The following DMXL2 variants were observed in gnomAD, a reference collection of about 807,000 sequenced individuals.
The protein encoded by DMXL2 is dmX-like protein 2.
Under a neutral mutation model 331.1 loss-of-function variants are expected in DMXL2, and 103 were observed. The observed-to-expected ratio is 0.31, with a 90% confidence interval of 0.27 to 0.37. The LOEUF is 0.37. Ranked by LOEUF, DMXL2 falls within the 10% of genes least tolerant of loss-of-function variation. The pLI, the probability that DMXL2 is intolerant of heterozygous loss-of-function variation, is 1.00. For missense variants in DMXL2, 3,171 were observed against 3,642.9 expected, an observed-to-expected ratio of 0.87 and a Z score of 3.33; for synonymous variants, 1,281 against 1,252.1, an observed-to-expected ratio of 1.02 and a Z score of -0.49.
rs1213932376 is a variant in DMXL2, at chr15:51,543,550, T to C, written c.931-1043A>G. Reference sequence around the variant, plus strand: ...AATTATTTTCACTGGATCTTTGACATTAACCATCATTTTAAATTAGACTGA... The same window carrying C: ...AATTATTTTCACTGGATCTTTGACACTAACCATCATTTTAAATTAGACTGA... On this transcript the variant is annotated intron_variant, in intron 8 of 43. Transcript: ENST00000560891. Among the ~76,000 whole-genome samples, 3 of 152,172 alleles carry C rather than the reference T, an allele frequency of 2.0e-5. No individual in the cohort carries two copies. The East Asian group carries it at 5.8e-4, about 29-fold the overall frequency.
At chr15:51,568,328 T>C in intron 3 of DMXL2, 159 bp downstream of exon 3, 1 of 546,280 alleles carries the variant, frequency 1.8e-6, no homozygotes, top group Non-Finnish European at 3.2e-6. Flanking sequence ...GATGTATCCG[T>C]AGTGAATGTA....
At chr15:51,619,716 G>C (rs188883760) in intron 1 of DMXL2, among the ~76,000 whole-genome samples, 17 of 152,276 alleles carry the variant, frequency 1.1e-4, no homozygotes, top group Admixed American at 9.1e-4. Flanking sequence ...TTTTGAAAAG[G>C]TTCTCAGGCT....
intron 18 of DMXL2, among the ~76,000 whole-genome samples, chr15:51,495,851 A>T (rs2043137593): frequency 6.6e-6 from 1 of 151,916 alleles, no homozygotes; most frequent in Admixed American, 6.6e-5. Flanking sequence ...CAGAAAAAAA[A>T]AAACAAAAAC....
In DMXL2 at chr15:51,448,186, A is replaced by G. The variant is rs938324427; in HGVS notation, c.*798T>C. On this transcript the variant is annotated 3_prime_UTR_variant, in exon 44 of 44. Transcript: ENST00000560891. Reference sequence around the variant, plus strand: ...TGAAATGCTCTATTGGTGTAGTTTCAACATATCCTTAAATGTTTGGGTGTT... The same window carrying G: ...TGAAATGCTCTATTGGTGTAGTTTCGACATATCCTTAAATGTTTGGGTGTT... The G allele has an allele frequency of 5.2e-5, 8 of 152,666 alleles. No individual in the cohort carries two copies. Among genetic ancestry groups the G allele is most frequent in the African/African-American group, 1.9e-4 (8 of 41,466 alleles). The allele number at this position is 152,666 out of a possible 1,614,324, so 9.5% of individuals were successfully genotyped here.
At chr15:51,528,684 G>A (rs1052748385) in intron 13 of DMXL2, among the ~76,000 whole-genome samples, 4 of 152,034 alleles carry the variant, frequency 2.6e-5, no homozygotes, top group African/African-American at 9.7e-5. Context: ...TTGAGACTTC[G>A]ACATCACTCA....
At position 51,449,020 on chromosome 15, in the gene DMXL2, A is replaced by G; in HGVS notation, c.9141T>C (p.Ala3047=). The stretch of plus-strand genomic sequence containing the variant: ...CAAGAATTCTGTTAGGGATGTTAAA[A>G]GCATTGGGCAAAACCCTGGTTTTCA... ...GTLKTRVLPN[A]FNIPNRILDI... Residue 3047 remains alanine, a synonymous_variant, in exon 44 of 44, where the codon GCT becomes GCC. Transcript: ENST00000560891. 1 of 1,614,222 alleles carries G rather than the reference A, an allele frequency of 6.2e-7. No homozygotes were observed. Among genetic ancestry groups the G allele is most frequent in the Non-Finnish European group, 8.5e-7 (1 of 1,180,036 alleles).
intron 1 of DMXL2, among the ~76,000 whole-genome samples, chr15:51,621,993 G>A (rs763899743): frequency 3.3e-5 from 5 of 152,286 alleles, no homozygotes; most frequent in Middle Eastern, 3.4e-3. Flanking sequence ...ACAGCGGGCA[G>A]GGGGAGCCAA....
intron 15 of DMXL2, among the ~76,000 whole-genome samples, chr15:51,512,297 A>G (rs906119086): frequency 3.3e-5 from 5 of 152,208 alleles, no homozygotes; most frequent in African/African-American, 1.2e-4. Context: ...TAGACAATGA[A>G]AACACAATAT....
chr15:51,620,754 G>C (rs928852799), intron 1 of DMXL2, among the ~76,000 whole-genome samples: 18 of 152,180 alleles, frequency 1.2e-4, no homozygotes, highest in African/African-American at 4.1e-4. Context: ...ACTAGACTTC[G>C]TGAAACGCTG....
At chr15:51,512,644 T>C (rs891182948) in intron 15 of DMXL2, among the ~76,000 whole-genome samples, 9 of 152,074 alleles carry the variant, frequency 5.9e-5, no homozygotes, top group Non-Finnish European at 1.3e-4. Context: ...ACTCTGACTC[T>C]AGTAATAATA....
At chr15:51,600,434 G>A (rs2053147057) in intron 1 of DMXL2, among the ~76,000 whole-genome samples, 2 of 152,132 alleles carry the variant, frequency 1.3e-5, no homozygotes, top group Admixed American at 6.5e-5. Flanking sequence ...AAACTTGCTT[G>A]GTTAAGAACA....
chr15:51,507,495 G>A (rs943986835), intron 15 of DMXL2, among the ~76,000 whole-genome samples: 3 of 152,054 alleles, frequency 2.0e-5, no homozygotes, highest in African/African-American at 7.2e-5. Context: ...AGTCAAAGAG[G>A]GGACATTTTG....
At position 51,531,302 on chromosome 15, in the gene DMXL2, A is replaced by G. The variant is rs183379758; in HGVS notation, c.2436+4361T>C. On this transcript the variant is annotated intron_variant, in intron 13 of 43. Coordinates refer to ENST00000560891, the MANE Select transcript of DMXL2 (RefSeq NM_001378457.1). ...GGAGAAAAGACAGTCTCTTCAATAA[A>G]TGGTGCCAGGAAAACTGGATATCCA... 1.1e-4 allele frequency among the ~76,000 whole-genome samples: 17 copies of G among 152,332 alleles called. No individual in the cohort carries two copies. In the East Asian group the frequency reaches 3.1e-3, roughly 28 times the overall value.
intron 13 of DMXL2, among the ~76,000 whole-genome samples, chr15:51,527,505 G>A (rs1024702885): frequency 1.3e-5 from 2 of 152,186 alleles, no homozygotes; most frequent in Non-Finnish European, 2.9e-5. Context: ...GAGGAGGGCA[G>A]ATTGCCTGAG....
rs1320107572 is a variant in DMXL2, at chr15:51,622,486, C to G, written c.60G>C (p.Val20=). ...AVNPGDNCYS[V]GSVGDVPFTA... is the part of the protein sequence containing the mutation. ...TGAAGGGGACATCCCCGACGCTGCC[C>G]ACGGAGTAGCAGTTGTCTCCAGGGT... Residue 20 remains valine, a synonymous_variant, in exon 1 of 44, where the codon GTG becomes GTC. Transcript: ENST00000560891. 1 of 1,569,192 alleles carries G rather than the reference C, an allele frequency of 6.4e-7. No individual in the cohort carries two copies. Among genetic ancestry groups the G allele is most frequent in the African/African-American group, 1.4e-5 (1 of 73,790 alleles).
intron 42 of DMXL2, 56 bp downstream of exon 42, chr15:51,451,589 T>A: frequency 7.4e-7 from 1 of 1,356,420 alleles, no homozygotes; most frequent in Admixed American, 1.9e-5. Context: ...AAGCATTCCT[T>A]CATGGTGTAT....
intron 13 of DMXL2, among the ~76,000 whole-genome samples, chr15:51,530,650 G>C (rs1471726341): frequency 6.6e-6 from 1 of 151,926 alleles, no homozygotes; most frequent in Non-Finnish European, 1.5e-5. Context: ...AGCTACTCTG[G>C]AGGCTGAGGC....
At chr15:51,522,004 CTTTAT>C (rs1012747792) in intron 13 of DMXL2, among the ~76,000 whole-genome samples, 1 of 152,146 alleles carries the variant, frequency 6.6e-6, no homozygotes, top group Non-Finnish European at 1.5e-5. Flanking sequence ...ATGACTTCTC[CTTTAT>C]TTATTTGTAG....
rs753624378 is a variant in DMXL2, at chr15:51,481,338, T to A, written c.5768A>T (p.Gln1923Leu). Residue 1923 changes from glutamine (Q) to leucine (L), a missense_variant, in exon 24 of 44, where the codon CAG (glutamine) becomes CTG (leucine). Around this residue, in one of 7 missense-constraint regions of DMXL2, gnomAD observed 244 missense variants for 251.4 expected, o/e 0.97. Coordinates refer to ENST00000560891, the MANE Select transcript of DMXL2 (RefSeq NM_001378457.1). ...CATCCTGTGAGAAATGAAGTCAGGC[T>A]GATCTTTTTTTGCAGATAAGGCAGA... ...KTSALSAKKD[Q>L]PDFISHRMDD... 2 of 1,614,154 alleles carry A rather than the reference T, an allele frequency of 1.2e-6. No homozygotes were observed. Among genetic ancestry groups the A allele is most frequent in the East Asian group, 4.5e-5 (2 of 44,876 alleles).
Sources: gnomAD v4.1 joint callset for allele counts (sites outside exome capture counted in the v4.1 genomes callset) on GRCh38, gnomAD v4.1.1 for gene constraint, gnomAD v4.1.1 regional missense constraint, MANE v1.5 for transcripts, NCBI Gene and HGNC (gene_info 2026-07-23, HGNC 2026-07-21) for gene names.